CHMP4C: variants seen among roughly 807,000 people sequenced by gnomAD.
CHMP4C encodes the protein SNF7 homolog associated with Alix 3.
In CHMP4C, 28 loss-of-function variants were observed where a neutral mutation model predicts 29.0. The ratio of observed to expected loss-of-function variants is 0.97; its 90% CI spans 0.72 to 1.32. CHMP4C has a LOEUF of 1.32. Ranked by LOEUF, CHMP4C falls within the 40% of genes most tolerant of loss-of-function variation. CHMP4C has a pLI of 0.00. For synonymous variants in CHMP4C, 106 were observed against 102.4 expected (o/e 1.04, Z -0.21); for missense variants, 291 against 281.0 (o/e 1.04, Z -0.25).
At chr8:81,748,064 T>C (rs369649304) in intron 1 of CHMP4C, among the ~76,000 whole-genome samples, 1 of 152,234 alleles carries the variant, frequency 6.6e-6, no homozygotes, top group East Asian at 1.9e-4. Context: ...TACCCATAGG[T>C]GCGCATTCTC....
At position 81,753,153 on chromosome 8, in the gene CHMP4C, G is replaced by A. The variant is rs1239255548; in HGVS notation, c.280G>A (p.Glu94Lys). Reference sequence around the variant, plus strand: ...ACTTTCTACCATTGAGTTCCAGAGAGAAGCCCTGGAGAACTCACACACCAA... The same window carrying A: ...ACTTTCTACCATTGAGTTCCAGAGAAAAGCCCTGGAGAACTCACACACCAA... ...GTLSTIEFQR[E>K]ALENSHTNTE... Residue 94 changes from glutamate to lysine, a missense_variant, in exon 2 of 5, where the codon GAA becomes AAA. By Grantham distance (56) the Glu-to-Lys change is moderately conservative. Coordinates refer to ENST00000297265, the MANE Select transcript of CHMP4C (RefSeq NM_152284.4). 1 of 1,612,538 alleles carries A rather than the reference G, an allele frequency of 6.2e-7. No individual in the cohort carries two copies. Among genetic ancestry groups the A allele is most frequent in the African/African-American group, 1.3e-5 (1 of 74,964 alleles).
chr8:81,739,082 CT>C (rs1450303369), intron 1 of CHMP4C, among the ~76,000 whole-genome samples: 2 of 143,636 alleles, frequency 1.4e-5, no homozygotes, highest in Non-Finnish European at 3.0e-5. Flanking sequence ...TCTGCTTACT[CT>C]TTTTTTCTTT....
intron 1 of CHMP4C, among the ~76,000 whole-genome samples, chr8:81,743,784 A>C (rs1216011345): frequency 3.9e-5 from 6 of 152,194 alleles, no homozygotes; most frequent in Non-Finnish European, 2.9e-5. Flanking sequence ...ATCTTCAAAA[A>C]CAACCTCAAG....
intron 2 of CHMP4C, 146 bp downstream of exon 2, chr8:81,753,387 T>C (rs1420881489): frequency 2.1e-6 from 1 of 485,936 alleles, no homozygotes. Flanking sequence ...CAGAGAAAGA[T>C]TAAAGGTTAT....
Position 81,732,456 on chromosome 8 carries a change from A to C in CHMP4C, c.-171A>C. ...GGCGGGGCCGAACTGGCAGCCAGGAAATGCCCTGGAGTGTGTGTCACCTGT... is the reference window on the plus strand; with the variant it reads ...GGCGGGGCCGAACTGGCAGCCAGGACATGCCCTGGAGTGTGTGTCACCTGT... On this transcript the variant is annotated 5_prime_UTR_variant, in exon 1 of 5. Coordinates refer to ENST00000297265, the MANE Select transcript of CHMP4C (RefSeq NM_152284.4). 1 of 414,004 alleles carries C rather than the reference A, an allele frequency of 2.4e-6. No homozygotes were observed. Among genetic ancestry groups the C allele is most frequent in the Admixed American group, 4.3e-5 (1 of 23,288 alleles). 25.6% of individuals were successfully genotyped at this position (414,004 alleles called of 1,614,324 possible).
intron 1 of CHMP4C, among the ~76,000 whole-genome samples, chr8:81,733,774 C>T (rs1446112749): frequency 6.6e-6 from 1 of 152,214 alleles, no homozygotes; most frequent in African/African-American, 2.4e-5. Context: ...ACACCGGGTT[C>T]ATGGCAGACC....
At position 81,753,008 on chromosome 8, in the gene CHMP4C, T is replaced by A. The variant is rs1324730268; in HGVS notation, c.191-56T>A. 5 of 1,468,674 alleles carry A rather than the reference T, an allele frequency of 3.4e-6. No homozygotes were observed. In the African/African-American group the frequency reaches 5.6e-5, roughly 17 times the overall value. 91.0% of individuals were successfully genotyped at this position (1,468,674 alleles called of 1,614,324 possible). A position where few individuals can be genotyped will look rare whatever the true frequency, so the allele number is the denominator to read the frequency against. On this transcript the variant is annotated intron_variant, in intron 1 of 4. Coordinates refer to ENST00000297265, the MANE Select transcript of CHMP4C (RefSeq NM_152284.4). ...TCCATAGTGGTGCTGAGCAAACATC[T>A]CTTGATTTAGTGTCTCTTTCTCTTT...
At chr8:81,751,209 A>T (rs1038887832) in intron 1 of CHMP4C, among the ~76,000 whole-genome samples, 8 of 152,164 alleles carry the variant, frequency 5.3e-5, no homozygotes, top group African/African-American at 1.9e-4. Context: ...CCAGTAAAAT[A>T]AAGAAGCAAT....
At chr8:81,757,595 G>C (rs1021838441) in intron 3 of CHMP4C, among the ~76,000 whole-genome samples, 1 of 152,140 alleles carries the variant, frequency 6.6e-6, no homozygotes, top group Non-Finnish European at 1.5e-5. Flanking sequence ...CTAAAAGAAG[G>C]AAATACAGTA....
intron 3 of CHMP4C, 29 bp downstream of exon 3, chr8:81,755,513 A>G (rs1232596525): frequency 7.5e-7 from 1 of 1,336,402 alleles, no homozygotes; most frequent in East Asian, 2.3e-5. Flanking sequence ...AGAATGCAGG[A>G]TTGTGGCTGC....
intron 1 of CHMP4C, among the ~76,000 whole-genome samples, chr8:81,748,550 G>A (rs1259196589): frequency 6.6e-6 from 1 of 152,140 alleles, no homozygotes; most frequent in East Asian, 1.9e-4. Flanking sequence ...CATGGCTTCA[G>A]CCAGTCCCTC....
At chr8:81,745,732 C>T (rs901658296) in intron 1 of CHMP4C, among the ~76,000 whole-genome samples, 2 of 152,160 alleles carry the variant, frequency 1.3e-5, no homozygotes, top group African/African-American at 2.4e-5. Context: ...AACTCCAGTG[C>T]TGAAGGAACA....
At chr8:81,746,796 T>C (rs1260004225) in intron 1 of CHMP4C, among the ~76,000 whole-genome samples, 2 of 152,224 alleles carry the variant, frequency 1.3e-5, no homozygotes, top group African/African-American at 2.4e-5. Flanking sequence ...CCAGAACTTA[T>C]TATTACTAAT....
chr8:81,742,722 A>G (rs1808776673), intron 1 of CHMP4C, among the ~76,000 whole-genome samples: 1 of 152,166 alleles, frequency 6.6e-6, no homozygotes, highest in African/African-American at 2.4e-5. Flanking sequence ...ATAAAGTGAA[A>G]GTAAATATAA....
At chr8:81,754,426 A>G (rs1464496762) in intron 2 of CHMP4C, among the ~76,000 whole-genome samples, 1 of 152,204 alleles carries the variant, frequency 6.6e-6, no homozygotes, top group African/African-American at 2.4e-5. Context: ...AAGATAAGGG[A>G]TGGTCAGAGG....
In CHMP4C at chr8:81,758,687, G is replaced by A; in HGVS notation, c.*143G>A. 1 of 651,164 alleles carries A rather than the reference G, an allele frequency of 1.5e-6. No homozygotes were observed. Among genetic ancestry groups the A allele is most frequent in the Admixed American group, 2.8e-5 (1 of 35,748 alleles). The allele number at this position is 651,164 out of a possible 1,614,324, so 40.3% of individuals were successfully genotyped here. A position where few individuals can be genotyped will look rare whatever the true frequency, so the allele number is the denominator to read the frequency against. ...TGTGTTTTAAGCCTCCTAAGTAAAA[G>A]TAAAAAAGGAGTCATGTGCATACAT... is the stretch of plus-strand genomic sequence containing the variant. On this transcript the variant is annotated 3_prime_UTR_variant, in exon 5 of 5. Transcript: ENST00000297265.
chr8:81,757,506 T>C (rs1469036118), intron 3 of CHMP4C, among the ~76,000 whole-genome samples: 1 of 152,158 alleles, frequency 6.6e-6, no homozygotes, highest in African/African-American at 2.4e-5. Flanking sequence ...ATTTTTAAGG[T>C]CTCAAACTAG....
intron 1 of CHMP4C, among the ~76,000 whole-genome samples, chr8:81,751,139 A>C (rs1377431680): frequency 3.3e-5 from 5 of 152,212 alleles, no homozygotes; most frequent in African/African-American, 9.6e-5. Flanking sequence ...ACTTATAGGC[A>C]TTCAAATAAT....
At chr8:81,738,007 C>T (rs1808715936) in intron 1 of CHMP4C, among the ~76,000 whole-genome samples, 1 of 152,162 alleles carries the variant, frequency 6.6e-6, no homozygotes, top group African/African-American at 2.4e-5. Context: ...TCAGTGACTC[C>T]TTACTGTGCT....
Sources: gnomAD v4.1 joint callset for allele counts (sites outside exome capture counted in the v4.1 genomes callset) on GRCh38, gnomAD v4.1.1 for gene constraint, MANE v1.5 for transcripts, NCBI Gene and HGNC (gene_info 2026-07-23, HGNC 2026-07-21) for gene names.